The following ROS1 variants were observed in gnomAD, a reference collection of about 807,000 sequenced individuals.
ROS1 encodes the protein ROS proto-oncogene 1, receptor tyrosine kinase, also known as proto-oncogene tyrosine-protein kinase ROS.
Under a neutral mutation model 273.5 loss-of-function variants are expected in ROS1, and 263 were observed. The ratio of observed to expected loss-of-function variants is 0.96; its 90% CI spans 0.87 to 1.06. The LOEUF is 1.06. Among genes scored for constraint, ROS1 ranks in the 50% least tolerant of loss-of-function variants. The pLI is 0.00. For missense variants in ROS1, 2,833 were observed against 2,751.1 expected, an observed-to-expected ratio of 1.03 and a Z score of -0.67; for synonymous variants, 1,008 against 954.1, an observed-to-expected ratio of 1.06 and a Z score of -1.04.
chr6:117,367,366 A>G (rs1012268684), intron 18 of ROS1, among the ~76,000 whole-genome samples: 1 of 152,216 alleles, frequency 6.6e-6, no homozygotes, highest in African/African-American at 2.4e-5. Context: ...GACAGCTCTT[A>G]AATGTGGTAG....
At position 117,317,155 on chromosome 6, in the gene ROS1, G is replaced by A. The variant is rs1278536435; in HGVS notation, c.6105C>T (p.Ala2035=). 2 of 1,612,882 alleles carry A rather than the reference G, an allele frequency of 1.2e-6. No homozygotes were observed. Among genetic ancestry groups the A allele is most frequent in the Admixed American group, 1.7e-5 (1 of 59,852 alleles). Reference sequence around the variant, plus strand: ...CCCAACTGCCTACCGTTGCCATCCGGGCTTTACGCAAATAAGTAAGAAGGT... The same window carrying A: ...CCCAACTGCCTACCGTTGCCATCCGAGCTTTACGCAAATAAGTAAGAAGGT... ...GGDLLTYLRK[A]RMATFYGPLL... Residue 2035 remains alanine (A), a synonymous_variant, in exon 39 of 44, where the codon GCC becomes GCT. Transcript: ENST00000368507.
chr6:117,350,422 A>T (rs778143643), intron 27 of ROS1, among the ~76,000 whole-genome samples: 1 of 150,698 alleles, frequency 6.6e-6, no homozygotes, highest in Non-Finnish European at 1.5e-5. Flanking sequence ...TTTTTTCTTT[A>T]TCTTTGGTTT....
chr6:117,349,434 CT>C (rs1778630369), intron 27 of ROS1, among the ~76,000 whole-genome samples: 1 of 151,900 alleles, frequency 6.6e-6, no homozygotes, highest in Admixed American at 6.5e-5. Context: ...CATCCCTTTA[CT>C]TTTGATCTAT....
At chr6:117,418,929 AC>A (rs1281656085) in intron 1 of ROS1, among the ~76,000 whole-genome samples, 6 of 152,198 alleles carry the variant, frequency 3.9e-5, no homozygotes, top group African/African-American at 1.4e-4. Context: ...TTTATGGCTC[AC>A]ATACAAATTT....
intron 43 of ROS1, among the ~76,000 whole-genome samples, chr6:117,300,733 C>T (rs1425095372): frequency 6.6e-6 from 1 of 152,114 alleles, no homozygotes; most frequent in Non-Finnish European, 1.5e-5. Context: ...GTTAATTCTC[C>T]TCCTTACTGT....
chr6:117,329,220 CTTTGTG>C, intron 33 of ROS1, 103 bp downstream of exon 33: 1 of 654,268 alleles, frequency 1.5e-6, no homozygotes, highest in Non-Finnish European at 2.7e-6. Flanking sequence ...AACTAAAGAT[CTTTGTG>C]TTTGTATATA....
chr6:117,317,943 T>G (rs544227612), intron 38 of ROS1, among the ~76,000 whole-genome samples: 1 of 152,140 alleles, frequency 6.6e-6, no homozygotes. Context: ...AGAATTCATT[T>G]GCAAAACATG....
chr6:117,389,798 A>T lies in ROS1; in HGVS notation c.1338T>A (p.Pro446=). The T allele has an allele frequency of 1.2e-6, 2 of 1,613,922 alleles. No homozygotes were observed. The highest frequency in any genetic ancestry group is 1.7e-6 in the Non-Finnish European group (2 of 1,179,796). ...LRDGIYRADL[P]VPSGRCAEAV... The stretch of plus-strand genomic sequence containing the variant: ...CTTCTGCACACCGGCCAGATGGTAC[A>T]GGAAGGTCTGCTCTATAAATGCCAT... The change falls in exon 13 of 44, where the codon CCT becomes CCA. Residue 446 remains proline (P), a synonymous_variant. Transcript: ENST00000368507.
intron 32 of ROS1, among the ~76,000 whole-genome samples, chr6:117,334,459 T>C (rs1232434146): frequency 1.3e-5 from 2 of 152,194 alleles, no homozygotes; most frequent in African/African-American, 4.8e-5. Flanking sequence ...CTCATCTAAC[T>C]ACCGTTGACA....
intron 5 of ROS1, among the ~76,000 whole-genome samples, chr6:117,407,456 C>G (rs1030965406): frequency 6.6e-6 from 1 of 152,302 alleles, no homozygotes; most frequent in Non-Finnish European, 1.5e-5. Context: ...GATAAACACC[C>G]AAGCCCCCTA....
intron 7 of ROS1, among the ~76,000 whole-genome samples, chr6:117,401,777 A>T (rs1773952110): frequency 6.6e-6 from 1 of 151,042 alleles, no homozygotes; most frequent in Non-Finnish European, 1.5e-5. Context: ...TTAAAAATAT[A>T]ATACAAAAAA....
chr6:117,360,603 G>T (rs1158222554), intron 22 of ROS1, among the ~76,000 whole-genome samples, 198 bp from the exon 23 acceptor site: 1 of 152,092 alleles, frequency 6.6e-6, no homozygotes, highest in Non-Finnish European at 1.5e-5. Context: ...TATGTTGACA[G>T]ATTTTTTAAT....
chr6:117,304,338 T>C (rs1332922139), intron 42 of ROS1, among the ~76,000 whole-genome samples: 2 of 152,214 alleles, frequency 1.3e-5, no homozygotes, highest in Non-Finnish European at 1.5e-5. Context: ...AATCTAACAG[T>C]TGTCCTCAGA....
intron 8 of ROS1, 112 bp downstream of exon 8, chr6:117,396,803 C>G: frequency 1.3e-6 from 1 of 780,244 alleles, no homozygotes. Flanking sequence ...ACCATGGAGT[C>G]AGTGGCGCTT....
intron 4 of ROS1, among the ~76,000 whole-genome samples, chr6:117,410,279 C>T (rs1006702601): frequency 6.6e-6 from 1 of 152,072 alleles, no homozygotes; most frequent in Non-Finnish European, 1.5e-5. Flanking sequence ...ATCTGCTTGC[C>T]ATTTTGGTCA....
intron 7 of ROS1, 116 bp downstream of exon 7, chr6:117,403,023 G>A: frequency 8.5e-7 from 1 of 1,172,658 alleles, no homozygotes; most frequent in East Asian, 2.3e-5. Context: ...GTACCCAGTT[G>A]TTGAATGGAT....
rs775283285 is a variant in ROS1 at position 117,356,692 on chromosome 6, T to A, written c.4063A>T (p.Ile1355Phe). 2 of 1,614,166 alleles carry A rather than the reference T, an allele frequency of 1.2e-6. No individual in the cohort carries two copies. Among genetic ancestry groups the A allele is most frequent in the East Asian group, 2.2e-5 (1 of 44,890 alleles). ...PLIYFAKAQE[I>F]WAMDLEGCQC... ...CAGCCTTCCAGATCCATTGCCCAGA[T>A]CTCTTGTGCTTTGGCAAAGTATATC... Residue 1355 changes from isoleucine to phenylalanine, a missense_variant, in exon 26 of 44, where the codon ATC becomes TTC. Ile to Phe is a conservative substitution (Grantham distance 21). Transcript: ENST00000368507.
At position 117,326,478 on chromosome 6, in the gene ROS1, T is replaced by C. The variant is rs145826710; in HGVS notation, c.5349-64A>G. 5.0e-5 allele frequency: 50 copies of C among 995,616 alleles called. No individual in the cohort carries two copies. The East Asian group carries it at 1.3e-3, about 25-fold the overall frequency. 61.7% of individuals were successfully genotyped at this position (995,616 alleles called of 1,614,324 possible). ...TATACCTGTTATTTCTAGTTGTTCA[T>C]AGATCTTCTTAGTGACTGAACGCCA... On this transcript the variant is annotated intron_variant, in intron 33 of 43. Coordinates refer to ENST00000368507, the MANE Select transcript of ROS1 (RefSeq NM_001378902.1).
At chr6:117,302,925 A>G (rs547803120) in intron 42 of ROS1, among the ~76,000 whole-genome samples, 42 of 152,180 alleles carry the variant, frequency 2.8e-4, no homozygotes, top group African/African-American at 9.4e-4. Context: ...GATATCCAGT[A>G]TCTTCACCCT....
Sources: gnomAD v4.1 joint callset for allele counts (sites outside exome capture counted in the v4.1 genomes callset) on GRCh38, gnomAD v4.1.1 for gene constraint, MANE v1.5 for transcripts, NCBI Gene and HGNC (gene_info 2026-07-23, HGNC 2026-07-21) for gene names.